The following SLC35A5 variants were observed in gnomAD, a reference collection of about 807,000 sequenced individuals.
SLC35A5 encodes the protein solute carrier family 35 member A5, also known as UDP-sugar transporter protein SLC35A5.
In SLC35A5, 28 loss-of-function variants were observed where a neutral mutation model predicts 36.3. The ratio of observed to expected loss-of-function variants is 0.77; its 90% CI spans 0.57 to 1.06. The LOEUF (loss-of-function observed/expected upper bound fraction) is 1.06. Among genes scored for constraint, SLC35A5 ranks in the 50% least tolerant of loss-of-function variants. The pLI is 0.00. For missense variants in SLC35A5, 521 were observed against 499.3 expected (o/e 1.04, Z -0.41); for synonymous variants, 180 against 173.7 (o/e 1.04, Z -0.29).
Position 112,584,188 on chromosome 3 carries a change from GGGATGTAGA to G in SLC35A5, c.*1454_*1462del, listed in dbSNP as rs1475306751. ...GTGTTGCCACTCTGTCATTTAGGGT[GGGATGTAGA>G]GTACTTTTAATCTTAAAAAATAGAG... On this transcript the variant is annotated 3_prime_UTR_variant, in exon 7 of 7. Transcript: ENST00000492406. 6.6e-6 allele frequency: 1 copy of G among 152,094 alleles called. No individual in the cohort carries two copies. Among genetic ancestry groups the G allele is most frequent in the Non-Finnish European group, 1.5e-5 (1 of 68,010 alleles). The allele number at this position is 152,094 out of a possible 1,614,324, so 9.4% of individuals were successfully genotyped here.
chr3:112,570,368 T>C, intron 3 of SLC35A5, 172 bp from the exon 4 acceptor site: 2 of 586,506 alleles, frequency 3.4e-6, no homozygotes, highest in Admixed American at 3.6e-5. Context: ...GTCCTAAGGT[T>C]GTTGCTGATT....
In SLC35A5 at chr3:112,562,891, C is replaced by T. The variant is rs925330902; in HGVS notation, c.-19-494C>T. On this transcript the variant is annotated intron_variant, in intron 1 of 6. Coordinates refer to ENST00000492406, the MANE Select transcript of SLC35A5 (RefSeq NM_017945.5). ...CCTGGCCAACATAGTGAAACCCCGT[C>T]TCTACTAAAAATACAAAAATTAGCC... Among the ~76,000 whole-genome samples the T allele has an allele frequency of 9.2e-5, 14 of 152,016 alleles. 1 individual carries two copies. The highest frequency in any genetic ancestry group is 3.4e-4 in the African/African-American group (14 of 41,488).
At chr3:112,564,927 A>G (rs1338937434) in intron 2 of SLC35A5, among the ~76,000 whole-genome samples, 3 of 152,248 alleles carry the variant, frequency 2.0e-5, no homozygotes, top group African/African-American at 7.2e-5. Context: ...GTAAGGTTAC[A>G]GATTGCAGAA....
intron 6 of SLC35A5, among the ~76,000 whole-genome samples, chr3:112,581,898 C>G (rs1559865522): frequency 6.6e-6 from 1 of 152,162 alleles, no homozygotes; most frequent in Non-Finnish European, 1.5e-5. Context: ...AGGATCCTTG[C>G]AAGGCGAGTA....
rs1175850814 is a variant in SLC35A5, at chr3:112,585,579, A to G, written c.*2843A>G. On this transcript the variant is annotated 3_prime_UTR_variant, in exon 7 of 7. Coordinates refer to ENST00000492406, the MANE Select transcript of SLC35A5 (RefSeq NM_017945.5). Reference sequence around the variant, plus strand: ...GAAATAAAAGTTGTTTTTTTTTTTAAGATGCGAAGTTCTGATATGTATCCA... The same window carrying G: ...GAAATAAAAGTTGTTTTTTTTTTTAGGATGCGAAGTTCTGATATGTATCCA... 6.6e-6 allele frequency: 1 copy of G among 150,888 alleles called. No homozygotes were observed. Among genetic ancestry groups the G allele is most frequent in the African/African-American group, 2.4e-5 (1 of 41,072 alleles). The allele number at this position is 150,888 out of a possible 1,614,324, so 9.3% of individuals were successfully genotyped here. A position where few individuals can be genotyped will look rare whatever the true frequency, so the allele number is the denominator to read the frequency against.
chr3:112,574,621 A>C (rs1481411191), intron 5 of SLC35A5, among the ~76,000 whole-genome samples: 1 of 152,084 alleles, frequency 6.6e-6, no homozygotes, highest in Non-Finnish European at 1.5e-5. Flanking sequence ...TTAATTTCTT[A>C]CTTAATGATA....
chr3:112,566,986 GGAGGCC>G (rs1453682426), intron 2 of SLC35A5, among the ~76,000 whole-genome samples: 1 of 152,140 alleles, frequency 6.6e-6, no homozygotes, highest in African/African-American at 2.4e-5. Context: ...CAGCACTTTG[GGAGGCC>G]GAGGCGGGTG....
At chr3:112,563,313 C>T (rs1004189903) in intron 1 of SLC35A5, 72 bp from the exon 2 acceptor site, 107 of 1,331,294 alleles carry the variant, frequency 8.0e-5, no homozygotes, top group Non-Finnish European at 1.0e-4. Flanking sequence ...CCTTTTTTGT[C>T]CTCACGATCA....
chr3:112,568,405 C>A (rs35803911), intron 2 of SLC35A5, among the ~76,000 whole-genome samples: 10,193 of 152,208 alleles, frequency 0.067, 427 homozygotes, highest in Admixed American at 0.12. Context: ...TTATCCTTGG[C>A]AAAATTGTAA....
In SLC35A5 at chr3:112,569,382, G is replaced by A. The variant is rs866968777; in HGVS notation, c.229+113G>A. 8 of 778,886 alleles carry A rather than the reference G, an allele frequency of 1.0e-5. No homozygotes were observed. In the East Asian group the frequency reaches 1.8e-4, roughly 17 times the overall value. 48.2% of individuals were successfully genotyped at this position (778,886 alleles called of 1,614,324 possible). A position where few individuals can be genotyped will look rare whatever the true frequency, so the allele number is the denominator to read the frequency against. Reference sequence around the variant, plus strand: ...AGTCCATTAAATTTTATATGAGGAAGCTAAGATACAAACATAAGTATGTTT... The same window carrying A: ...AGTCCATTAAATTTTATATGAGGAAACTAAGATACAAACATAAGTATGTTT... On this transcript the variant is annotated intron_variant, in intron 3 of 6. Transcript: ENST00000492406.
intron 4 of SLC35A5, among the ~76,000 whole-genome samples, chr3:112,571,926 T>G (rs1415166817): frequency 8.9e-3 from 21 of 2,348 alleles, no homozygotes; most frequent in African/African-American, 0.023. Context: ...TTCCACAGTT[T>G]TTTTTTTTTT....
intron 2 of SLC35A5, among the ~76,000 whole-genome samples, chr3:112,567,928 C>T (rs1182187560): frequency 6.6e-6 from 1 of 152,178 alleles, no homozygotes; most frequent in East Asian, 1.9e-4. Flanking sequence ...TGGAGGATAA[C>T]AGAGTGTGAG....
intron 5 of SLC35A5, among the ~76,000 whole-genome samples, chr3:112,578,309 A>G (rs1282880358): frequency 6.6e-6 from 1 of 152,184 alleles, no homozygotes; most frequent in African/African-American, 2.4e-5. Flanking sequence ...CTCATAGTTT[A>G]TCATTTATGT....
At chr3:112,571,113 A>G (rs768167415) in intron 4 of SLC35A5, among the ~76,000 whole-genome samples, 7 of 152,176 alleles carry the variant, frequency 4.6e-5, no homozygotes, top group East Asian at 1.9e-4. Context: ...TTTTATTTGT[A>G]TGGTTTTCTT....
At chr3:112,564,547 G>GAGAC (rs1446019420) in intron 2 of SLC35A5, among the ~76,000 whole-genome samples, 3 of 152,120 alleles carry the variant, frequency 2.0e-5, no homozygotes, top group Non-Finnish European at 4.4e-5. Context: ...GGACGAGCAG[G>GAGAC]AGACAGATGC....
intron 1 of SLC35A5, among the ~76,000 whole-genome samples, chr3:112,562,483 C>T (rs1260157964): frequency 1.3e-5 from 2 of 152,204 alleles, no homozygotes; most frequent in African/African-American, 4.8e-5. Context: ...AGGCTCTATG[C>T]GCTATTCCTA....
rs1481027414 is a variant in SLC35A5 at position 112,583,290 on chromosome 3, G to A, written c.*554G>A. 1.0e-5 allele frequency: 4 copies of A among 395,102 alleles called. No individual in the cohort carries two copies. The highest frequency in any genetic ancestry group is 1.8e-5 in the Non-Finnish European group (4 of 224,244). The allele number at this position is 395,102 out of a possible 1,614,324, so 24.5% of individuals were successfully genotyped here. On this transcript the variant is annotated 3_prime_UTR_variant, in exon 7 of 7. Transcript: ENST00000492406. ...ATAGATTTGGGATGATGTAGTCTGT[G>A]CTAAATATTTTGCTGAAGAAGCAGT...
At chr3:112,574,519 A>G (rs1016016519) in intron 5 of SLC35A5, among the ~76,000 whole-genome samples, 4 of 152,174 alleles carry the variant, frequency 2.6e-5, no homozygotes, top group African/African-American at 9.6e-5. Flanking sequence ...AATAGTATAA[A>G]CATTTTTAAG....
Position 112,563,514 on chromosome 3 carries a change from G to C in SLC35A5, c.111G>C (p.Val37=). The C allele has an allele frequency of 6.2e-7, 1 of 1,604,202 alleles. No individual in the cohort carries two copies. Among genetic ancestry groups the C allele is most frequent in the South Asian group, 1.1e-5 (1 of 90,312 alleles). The change falls in exon 2 of 7, where the codon GTG becomes GTC. Residue 37 remains valine, a synonymous_variant. Coordinates refer to ENST00000492406, the MANE Select transcript of SLC35A5 (RefSeq NM_017945.5). ...IALSSSRILL[V]KYSANEENKY... is the part of the protein sequence containing the mutation. The stretch of plus-strand genomic sequence containing the variant: ...TAAGCTCAAGTCGCATCTTACTAGT[G>C]AAGTATTCTGCCAATGAAGGTAAGT...
Sources: allele counts gnomAD v4.1 joint callset (sites outside exome capture counted in the v4.1 genomes callset), GRCh38; gene constraint gnomAD v4.1.1; transcripts MANE v1.5; gene names NCBI Gene and HGNC (gene_info 2026-07-23, HGNC 2026-07-21).